Variants in MDGA2 observed in about 807,000 individuals in gnomAD.
The protein encoded by MDGA2 is MAM domain containing glycosylphosphatidylinositol anchor 2.
MDGA2 carries 40 observed loss-of-function variants against 117.8 expected under a neutral mutation model. The ratio of observed to expected loss-of-function variants is 0.34; its 90% CI spans 0.26 to 0.44. MDGA2 has a LOEUF of 0.44. Ranked by LOEUF, MDGA2 falls within the 20% of genes least tolerant of loss-of-function variation. The pLI, the probability that MDGA2 is intolerant of heterozygous loss-of-function variation, is 1.00. For synonymous variants in MDGA2, 452 were observed against 439.0 expected (o/e 1.03, Z -0.37); for missense variants, 1,123 against 1,250.6 (o/e 0.90, Z 1.54).
intron 2 of MDGA2, among the ~76,000 whole-genome samples, chr14:47,225,115 C>T (rs1021974592): frequency 4.6e-5 from 7 of 151,976 alleles, no homozygotes; most frequent in African/African-American, 1.7e-4. Flanking sequence ...CAATGAGATA[C>T]CATCTCACAC....
At position 47,087,951 on chromosome 14, in the gene MDGA2, A is replaced by G. The variant is rs77979926; in HGVS notation, c.1195+8903T>C. Reference sequence around the variant, plus strand: ...CTATCATTTTTAAAAGAAAATTGAAAGATTTTCTCTTGGCTAGAGTAAATA... The same window carrying G: ...CTATCATTTTTAAAAGAAAATTGAAGGATTTTCTCTTGGCTAGAGTAAATA... On this transcript the variant is annotated intron_variant, in intron 6 of 16. Coordinates refer to ENST00000399232, the MANE Select transcript of MDGA2 (RefSeq NM_001113498.3). 4.7e-3 allele frequency among the ~76,000 whole-genome samples: 721 copies of G among 152,168 alleles called. 10 individuals carry two copies. Among genetic ancestry groups the G allele is most frequent in the African/African-American group, 0.016 (684 of 41,562 alleles).
intron 1 of MDGA2, among the ~76,000 whole-genome samples, chr14:47,348,056 A>G (rs1890796248): frequency 6.6e-6 from 1 of 152,096 alleles, no homozygotes; most frequent in African/African-American, 2.4e-5. Flanking sequence ...TTTTTCATAA[A>G]AAGCCTGTCT....
chr14:47,458,482 T>TG (rs1178285711), intron 1 of MDGA2, among the ~76,000 whole-genome samples: 1 of 152,150 alleles, frequency 6.6e-6, no homozygotes, highest in Non-Finnish European at 1.5e-5. Flanking sequence ...GAGGGTAAAC[T>TG]GGTGGTTACA....
chr14:47,009,829 C>G (rs1887835834), intron 8 of MDGA2, among the ~76,000 whole-genome samples: 2 of 152,104 alleles, frequency 1.3e-5, no homozygotes, highest in African/African-American at 4.8e-5. Context: ...CCTACACACC[C>G]CTTGCGTCCG....
chr14:47,635,574 C>T (rs11851688), intron 1 of MDGA2, among the ~76,000 whole-genome samples: 24,129 of 152,062 alleles, frequency 0.16, 1,990 homozygotes, highest in East Asian at 0.25. Context: ...TCATCCCTTA[C>T]ATATTAAATG....
At chr14:47,204,704 G>C (rs1471288865) in intron 3 of MDGA2, among the ~76,000 whole-genome samples, 1 of 151,912 alleles carries the variant, frequency 6.6e-6, no homozygotes, top group Non-Finnish European at 1.5e-5. Flanking sequence ...CAGACTCATA[G>C]TGAACTTGTT....
At chr14:47,203,146 C>A (rs1160624206) in intron 3 of MDGA2, among the ~76,000 whole-genome samples, 3 of 151,948 alleles carry the variant, frequency 2.0e-5, no homozygotes, top group Admixed American at 2.0e-4. Flanking sequence ...CCAGGTATTT[C>A]TTATTTGGCT....
intron 10 of MDGA2, among the ~76,000 whole-genome samples, chr14:46,908,993 C>T (rs556601294): frequency 3.2e-4 from 48 of 152,272 alleles, no homozygotes; most frequent in African/African-American, 7.5e-4. Flanking sequence ...TGAATTTTAA[C>T]GATGCCAGCT....
At chr14:47,071,127 C>T (rs536683990) in intron 6 of MDGA2, among the ~76,000 whole-genome samples, 1 of 152,186 alleles carries the variant, frequency 6.6e-6, no homozygotes, top group African/African-American at 2.4e-5. Flanking sequence ...GAATTCGTTG[C>T]TACAAAATTT....
chr14:47,368,325 T>C (rs1405588091), intron 1 of MDGA2, among the ~76,000 whole-genome samples: 3 of 152,024 alleles, frequency 2.0e-5, no homozygotes, highest in Non-Finnish European at 4.4e-5. Context: ...AAGAAAGTTA[T>C]GCTACATGAA....
chr14:46,864,083 C>T lies in MDGA2; in HGVS notation c.2753-8929G>A, dbSNP rs1205443575. Among the ~76,000 whole-genome samples, 4 of 149,428 alleles carry T rather than the reference C, an allele frequency of 2.7e-5. No homozygotes were observed. The East Asian group carries it at 7.9e-4, about 30-fold the overall frequency. Reference sequence around the variant, plus strand: ...CTCCCCCCTCCCCCCACCCCCCACCCCACAACAGTGAAAAGCCAAAGCTAA... The same window carrying T: ...CTCCCCCCTCCCCCCACCCCCCACCTCACAACAGTGAAAAGCCAAAGCTAA... On this transcript the variant is annotated intron_variant, in intron 14 of 16. Coordinates refer to ENST00000399232, the MANE Select transcript of MDGA2 (RefSeq NM_001113498.3).
intron 1 of MDGA2, among the ~76,000 whole-genome samples, chr14:47,494,116 T>TC (rs1894229700): frequency 6.6e-6 from 1 of 152,176 alleles, no homozygotes. Flanking sequence ...AGTACATGTT[T>TC]GCTTTCCCTT....
At chr14:47,213,631 G>A (rs1885967342) in intron 3 of MDGA2, among the ~76,000 whole-genome samples, 1 of 151,706 alleles carries the variant, frequency 6.6e-6, no homozygotes, top group African/African-American at 2.4e-5. Flanking sequence ...TTGTTTTACT[G>A]TTTTCCAGCC....
intron 5 of MDGA2, among the ~76,000 whole-genome samples, chr14:47,109,002 T>A (rs2139046026): frequency 6.6e-6 from 1 of 152,334 alleles, no homozygotes; most frequent in East Asian, 1.9e-4. Flanking sequence ...AACAATCCTT[T>A]ACTGTTCTTT....
chr14:47,006,382 A>G (rs1344337029), intron 8 of MDGA2, among the ~76,000 whole-genome samples: 1 of 146,548 alleles, frequency 6.8e-6, no homozygotes, highest in Non-Finnish European at 1.5e-5. Flanking sequence ...TAAAAATATT[A>G]TAATTATAAT....
chr14:47,645,921 G>T (rs888386152), intron 1 of MDGA2, among the ~76,000 whole-genome samples: 28 of 150,084 alleles, frequency 1.9e-4, no homozygotes, highest in Admixed American at 1.7e-3. Context: ...AAATACAAAA[G>T]AAAAAAAAAT....
intron 16 of MDGA2, among the ~76,000 whole-genome samples, chr14:46,843,894 CTATA>C (rs1880714663): frequency 6.6e-6 from 1 of 152,064 alleles, no homozygotes; most frequent in African/African-American, 2.4e-5. Context: ...ATTACTTTCT[CTATA>C]TATGACCACA....
Position 46,922,695 on chromosome 14 carries a change from A to G in MDGA2, c.2090-2535T>C, listed in dbSNP as rs181086771. ...GACCTTACAATTTGGAATGCTTTAA[A>G]GAGGCTGAAATTTCTCTCTGAAATT... On this transcript the variant is annotated intron_variant, in intron 9 of 16. Transcript: ENST00000399232. Among the ~76,000 whole-genome samples, 239 of 152,328 alleles carry G rather than the reference A, an allele frequency of 1.6e-3. 2 individuals carry two copies. The highest frequency in any genetic ancestry group is 5.6e-3 in the African/African-American group (232 of 41,576).
chr14:47,092,364 A>C (rs951023220), intron 6 of MDGA2, among the ~76,000 whole-genome samples: 2 of 152,156 alleles, frequency 1.3e-5, no homozygotes, highest in Admixed American at 6.6e-5. Flanking sequence ...GAACACACAG[A>C]ATTCCATAGT....
Sources: gnomAD v4.1 joint callset for allele counts (sites outside exome capture counted in the v4.1 genomes callset) on GRCh38, gnomAD v4.1.1 for gene constraint, MANE v1.5 for transcripts, NCBI Gene and HGNC (gene_info 2026-07-23, HGNC 2026-07-21) for gene names.